Variants in APBB2 observed in about 807,000 individuals in gnomAD.
APBB2 encodes the protein amyloid beta precursor protein binding family B member 2, also known as Fe65-like 1.
APBB2 carries 38 observed loss-of-function variants against 82.5 expected under a neutral mutation model. That is an observed-to-expected ratio of 0.46 (90% CI 0.36 to 0.60). The LOEUF (loss-of-function observed/expected upper bound fraction) is 0.60. Ranked by LOEUF, APBB2 falls within the 20% of genes least tolerant of loss-of-function variation. The pLI is 0.00. For missense variants in APBB2, 772 were observed against 972.3 expected, an observed-to-expected ratio of 0.79 and a Z score of 2.74; for synonymous variants, 341 against 368.2, an observed-to-expected ratio of 0.93 and a Z score of 0.85.
chr4:40,951,509 A>G (rs1790150703), intron 6 of APBB2, among the ~76,000 whole-genome samples: 1 of 152,274 alleles, frequency 6.6e-6, no homozygotes, highest in African/African-American at 2.4e-5. Context: ...GGCTCAGTGC[A>G]GCCATGGCTT....
intron 1 of APBB2, among the ~76,000 whole-genome samples, chr4:41,203,762 C>T (rs1320258334): frequency 2.6e-5 from 4 of 152,172 alleles, no homozygotes; most frequent in African/African-American, 9.7e-5. Context: ...GTTTCCTGGG[C>T]CGTCTCCCTT....
At chr4:41,073,829 C>T (rs1272484788) in intron 3 of APBB2, among the ~76,000 whole-genome samples, 1 of 152,130 alleles carries the variant, frequency 6.6e-6, no homozygotes, top group Non-Finnish European at 1.5e-5. Context: ...TGGTTCACAC[C>T]TGTAATCTCA....
intron 2 of APBB2, among the ~76,000 whole-genome samples, chr4:41,122,657 C>A (rs1753194970): frequency 6.6e-6 from 1 of 152,234 alleles, no homozygotes; most frequent in Non-Finnish European, 1.5e-5. Flanking sequence ...GGCTGGTGAA[C>A]TGAAAGGGTT....
chr4:41,002,467 C>G (rs1228462838), intron 6 of APBB2, among the ~76,000 whole-genome samples: 2 of 152,212 alleles, frequency 1.3e-5, no homozygotes, highest in African/African-American at 2.4e-5. Context: ...TTGTATGCAG[C>G]TGTAACAGGC....
intron 3 of APBB2, among the ~76,000 whole-genome samples, chr4:41,066,912 G>A (rs942778398): frequency 3.3e-5 from 5 of 152,130 alleles, no homozygotes; most frequent in African/African-American, 7.2e-5. Context: ...AGACCTGTTC[G>A]GTTGTTACAA....
At chr4:40,979,688 T>C (rs899893415) in intron 6 of APBB2, among the ~76,000 whole-genome samples, 3 of 152,070 alleles carry the variant, frequency 2.0e-5, no homozygotes, top group Admixed American at 6.6e-5. Context: ...CCTCTGGGGA[T>C]GGAAAGTGAG....
At chr4:40,848,314 G>A (rs552289669) in intron 12 of APBB2, among the ~76,000 whole-genome samples, 80 of 152,362 alleles carry the variant, frequency 5.3e-4, no homozygotes, top group African/African-American at 1.8e-3. Flanking sequence ...TAACCTTGCA[G>A]GGGGAAGCAT....
intron 4 of APBB2, among the ~76,000 whole-genome samples, chr4:41,054,164 G>A (rs1193938183): frequency 6.6e-6 from 1 of 152,180 alleles, no homozygotes; most frequent in African/African-American, 2.4e-5. Flanking sequence ...CATGAAGGCT[G>A]CTGTACATCC....
At chr4:40,934,423 T>C in intron 10 of APBB2, 33 bp downstream of exon 10, 1 of 1,597,224 alleles carries the variant, frequency 6.3e-7, no homozygotes. Flanking sequence ...TCTAAGAATA[T>C]AACCTGGTGG....
chr4:40,904,684 CTTTTTT>C (rs5857754), intron 10 of APBB2, among the ~76,000 whole-genome samples: 2 of 133,850 alleles, frequency 1.5e-5, no homozygotes, highest in Non-Finnish European at 3.2e-5. Context: ...TTTGTTATTG[CTTTTTT>C]TTTTTTTTTT....
chr4:41,162,805 G>C (rs1003214981), intron 1 of APBB2, among the ~76,000 whole-genome samples: 6 of 152,314 alleles, frequency 3.9e-5, no homozygotes, highest in Non-Finnish European at 7.3e-5. Context: ...GCTACAATGA[G>C]CTCTGATCAC....
At position 40,960,446 on chromosome 4, in the gene APBB2, G is replaced by GTTTTTTTTTTTTTTTTTTTTTTTT. The variant is rs371607683; in HGVS notation, c.836-15374_836-15373insAAAAAAAAAAAAAAAAAAAAAAAA. 1.7e-5 allele frequency among the ~76,000 whole-genome samples: 2 copies of GTTTTTTTTTTTTTTTTTTTTTTTT among 120,544 alleles called. 1 individual carries two copies. 79.1% of individuals were successfully genotyped at this position (120,544 alleles called of 152,430 possible). On this transcript the variant is annotated intron_variant, in intron 6 of 17. Transcript: ENST00000508593. ...CATCAAAAACAGAAATTTTTTTTCG[G>GTTTTTTTTTTTTTTTTTTTTTTTT]GTTTTTTTTTTTTTTTTTTGAGACG...
chr4:41,108,802 C>A (rs1030398119), intron 2 of APBB2, among the ~76,000 whole-genome samples: 1 of 152,188 alleles, frequency 6.6e-6, no homozygotes. Context: ...ATCACCCCAA[C>A]AAACCCAACC....
intron 1 of APBB2, among the ~76,000 whole-genome samples, chr4:41,205,300 C>A (rs1205896656): frequency 6.6e-6 from 1 of 152,260 alleles, no homozygotes; most frequent in East Asian, 1.9e-4. Context: ...GCAAGCACTA[C>A]CACCTGCCTC....
chr4:41,144,715 C>A (rs957567539), intron 1 of APBB2, among the ~76,000 whole-genome samples: 1 of 152,180 alleles, frequency 6.6e-6, no homozygotes, highest in Non-Finnish European at 1.5e-5. Flanking sequence ...ATAAAAAATT[C>A]TTTTTTACTC....
At chr4:40,990,422 G>A (rs1304205932) in intron 6 of APBB2, 3 of 152,194 alleles carry the variant, frequency 2.0e-5, no homozygotes, top group South Asian at 4.1e-4. Context: ...TTTTGCAAAA[G>A]TGCCAGAAAG....
intron 1 of APBB2, among the ~76,000 whole-genome samples, chr4:41,187,334 T>C (rs1468183335): frequency 6.6e-6 from 1 of 152,102 alleles, no homozygotes; most frequent in Non-Finnish European, 1.5e-5. Context: ...TTTTATAACA[T>C]GAAAAAAGAT....
At chr4:41,110,185 C>T (rs1412701632) in intron 2 of APBB2, among the ~76,000 whole-genome samples, 1 of 152,194 alleles carries the variant, frequency 6.6e-6, no homozygotes, top group Non-Finnish European at 1.5e-5. Flanking sequence ...ACATGCAAGC[C>T]GGAATGCAAG....
intron 8 of APBB2, 79 bp from the exon 9 acceptor site, chr4:40,934,778 G>A (rs760808208): frequency 2.0e-5 from 21 of 1,049,692 alleles, no homozygotes; most frequent in Admixed American, 5.7e-5. Flanking sequence ...GGGGAGAAAC[G>A]TCTTCCCAGC....
Sources: gnomAD v4.1 joint callset for allele counts (sites outside exome capture counted in the v4.1 genomes callset) on GRCh38, gnomAD v4.1.1 for gene constraint, MANE v1.5 for transcripts, NCBI Gene and HGNC (gene_info 2026-07-23, HGNC 2026-07-21) for gene names.